Variants in PHF19 observed in about 807,000 individuals in gnomAD.
The protein encoded by PHF19 is PHD finger protein 19.
Under a neutral mutation model 79.8 loss-of-function variants are expected in PHF19, and 21 were observed. That is an observed-to-expected ratio of 0.26 (90% CI 0.19 to 0.38). The LOEUF (loss-of-function observed/expected upper bound fraction) is 0.38. Ranked by LOEUF, PHF19 falls within the 10% of genes least tolerant of loss-of-function variation. PHF19 has a pLI of 1.00. For synonymous variants in PHF19, 273 were observed against 296.3 expected, an observed-to-expected ratio of 0.92 and a Z score of 0.81; for missense variants, 445 against 744.2, an observed-to-expected ratio of 0.60 and a Z score of 4.68.
rs376002027 is a variant in PHF19 at position 120,890,366 on chromosome 9, GA to G, written c.42+4421del. Among the ~76,000 whole-genome samples the G allele has an allele frequency of 1.9e-3, 281 of 148,648 alleles. 1 individual carries two copies. The highest frequency in any genetic ancestry group is 0.017 in the Middle Eastern group (5 of 286). ...CTACTTGTCTCAGGGAGAGTTTATG[GA>G]AAAAAAGCTTCCAGCTGGCTTTGGG... On this transcript the variant is annotated intron_variant, in intron 1 of 14. Transcript: ENST00000616568.
upstream of PHF19, among the ~76,000 whole-genome samples, chr9:120,898,973 T>C (rs192287766): frequency 3.9e-5 from 6 of 151,998 alleles, no homozygotes; most frequent in East Asian, 1.2e-3. Context: ...CCAAGGCAGG[T>C]GGATTACCTG....
At position 120,866,081 on chromosome 9, in the gene PHF19, G is replaced by C; in HGVS notation, c.726C>G (p.Phe242Leu). 6.2e-7 allele frequency: 1 copy of C among 1,613,928 alleles called. No homozygotes were observed. The highest frequency in any genetic ancestry group is 8.5e-7 in the Non-Finnish European group (1 of 1,179,858). Residue 242 changes from phenylalanine (F) to leucine (L), a missense_variant, in exon 8 of 15, where the codon TTC becomes TTG. Physicochemically the swap from Phe to Leu is conservative, Grantham distance 22. Coordinates refer to ENST00000373896, the MANE Select transcript of PHF19 (RefSeq NM_015651.3). This position sits in a 1 kb window ranked among gnomAD's most constrained non-coding sequence, Gnocchi z 5.2. Reference sequence around the variant, plus strand: ...CTGGGCCCTGGTTACACACGGAGCAGAAGAACAGGTAAAACCTGTGGGTGG... The same window carrying C: ...CTGGGCCCTGGTTACACACGGAGCACAAGAACAGGTAAAACCTGTGGGTGG... ...MMFGDRFYLF[F>L]CSVCNQGPEY...
chr9:120,868,299 T>G (rs561611193), intron 6 of PHF19: 1 of 152,368 alleles, frequency 6.6e-6, no homozygotes, highest in African/African-American at 2.4e-5. Flanking sequence ...GAAAAGGTTA[T>G]CTTGACTTTC....
At chr9:120,871,551 G>C (rs1171758964) in intron 3 of PHF19, among the ~76,000 whole-genome samples, 2 of 152,114 alleles carry the variant, frequency 1.3e-5, no homozygotes, top group African/African-American at 4.8e-5. Context: ...TCCATACATG[G>C]TGACTGGCTG....
chr9:120,880,231 A>G (rs2046159161), upstream of PHF19, among the ~76,000 whole-genome samples: 1 of 152,252 alleles, frequency 6.6e-6, no homozygotes, highest in Non-Finnish European at 1.5e-5. Flanking sequence ...ACTGTGGCTC[A>G]TGCCTGTAAT....
chr9:120,880,851 T>G (rs2046170124), upstream of PHF19, among the ~76,000 whole-genome samples: 1 of 151,854 alleles, frequency 6.6e-6, no homozygotes, highest in Admixed American at 6.6e-5. Context: ...TCCCAGCTAC[T>G]TGGGAGACTG....
Position 120,866,283 on chromosome 9 carries a change from C to A in PHF19, c.711-187G>T, listed in dbSNP as rs1254512387. Among the ~76,000 whole-genome samples the A allele has an allele frequency of 6.6e-6, 1 of 152,140 alleles. No homozygotes were observed. Among genetic ancestry groups the A allele is most frequent in the East Asian group, 1.9e-4 (1 of 5,204 alleles). On this transcript the variant is annotated intron_variant, in intron 7 of 14. Transcript: ENST00000373896. This position sits in a 1 kb window ranked among gnomAD's most constrained non-coding sequence, Gnocchi z 5.2. Reference sequence around the variant, plus strand: ...AAGAGATACCCCATATTCCTTCTAACCCATGCCCTCAATCTCCTTCCCAAA... The same window carrying A: ...AAGAGATACCCCATATTCCTTCTAAACCATGCCCTCAATCTCCTTCCCAAA...
At chr9:120,898,920 C>T (rs1263842331), upstream of PHF19, among the ~76,000 whole-genome samples, 1 of 152,172 alleles carries the variant, frequency 6.6e-6, no homozygotes, top group East Asian at 1.9e-4. Context: ...TTATTCCGGC[C>T]AGGCTCGGTG....
chr9:120,861,853 C>T, intron 12 of PHF19, 65 bp downstream of exon 12: 2 of 1,147,852 alleles, frequency 1.7e-6, no homozygotes, highest in Non-Finnish European at 2.6e-6. Context: ...GTTTTCGGCA[C>T]AGGAAGCCCT....
At chr9:120,877,064 G>C in intron 1 of PHF19, 27 bp downstream of exon 1, 1 of 985,510 alleles carries the variant, frequency 1.0e-6, no homozygotes, top group Non-Finnish European at 1.2e-6. Flanking sequence ...GCGTGGCGGG[G>C]AGTCCGCCCA....
intron 1 of PHF19, among the ~76,000 whole-genome samples, chr9:120,886,967 G>A (rs1230809836): frequency 7.3e-5 from 11 of 151,616 alleles, no homozygotes. Flanking sequence ...CCGGGAGGCT[G>A]AGGCAGGAGA....
intron 10 of PHF19, among the ~76,000 whole-genome samples, chr9:120,863,732 C>T (rs1285772905): frequency 6.6e-6 from 1 of 152,138 alleles, no homozygotes; most frequent in Non-Finnish European, 1.5e-5. Context: ...ATGTAGCCCA[C>T]CCGAGATGAT....
rs1417587270 is a variant in PHF19 at position 120,870,037 on chromosome 9, G to C, written c.365-92C>G. The C allele has an allele frequency of 6.7e-7, 1 of 1,500,886 alleles. No individual in the cohort carries two copies. Among genetic ancestry groups the C allele is most frequent in the Non-Finnish European group, 8.9e-7 (1 of 1,123,378 alleles). The allele number at this position is 1,500,886 out of a possible 1,614,324, so 93.0% of individuals were successfully genotyped here. On this transcript the variant is annotated intron_variant, in intron 4 of 14. Transcript: ENST00000373896. This position sits in a 1 kb window ranked among gnomAD's most constrained non-coding sequence, Gnocchi z 4.4. ...GGAGGCAGGGCTGGGAGGGCTGAGG[G>C]AAGTCCTAGGAGCTCTGCCTGCCAG...
the PHF19 span, among the ~76,000 whole-genome samples, chr9:120,901,402 T>G: frequency 6.6e-6 from 1 of 151,822 alleles, no homozygotes; most frequent in South Asian, 2.1e-4. Flanking sequence ...ACTATGTTGG[T>G]CAGGCTGGTC....
chr9:120,879,074 T>A (rs1302171868), upstream of PHF19, among the ~76,000 whole-genome samples: 2 of 151,762 alleles, frequency 1.3e-5, no homozygotes, highest in African/African-American at 2.4e-5. Flanking sequence ...CTTTTTTTTT[T>A]AAACAATTCT....
At chr9:120,898,897 GT>G (rs1184408393), upstream of PHF19, among the ~76,000 whole-genome samples, 45 of 152,256 alleles carry the variant, frequency 3.0e-4, no homozygotes, top group Admixed American at 2.7e-3. Flanking sequence ...CTCCATGATT[GT>G]TTAAGATTAT....
intron 6 of PHF19, chr9:120,868,828 G>A: frequency 9.5e-7 from 1 of 1,047,178 alleles, no homozygotes; most frequent in Admixed American, 5.7e-5. Flanking sequence ...CCCTGCTTGG[G>A]CGGTCGCAAC....
In PHF19 at chr9:120,891,425, C is replaced by A. The variant is rs1197502172; in HGVS notation, c.42+3363G>T. 2.0e-5 allele frequency among the ~76,000 whole-genome samples: 3 copies of A among 152,194 alleles called. No individual in the cohort carries two copies. The highest frequency in any genetic ancestry group is 7.2e-5 in the African/African-American group (3 of 41,456). ...TTTGGGATCACCCCGGGAACCTTAA[C>A]ATGCTGATGCCTGTGTTCTTATCTT... On this transcript the variant is annotated intron_variant, in intron 1 of 14. Transcript: ENST00000616568. This position sits in a 1 kb window ranked among gnomAD's most constrained non-coding sequence, Gnocchi z 4.3.
chr9:120,888,111 T>G (rs2046292858), intron 1 of PHF19, among the ~76,000 whole-genome samples: 1 of 152,242 alleles, frequency 6.6e-6, no homozygotes, highest in Non-Finnish European at 1.5e-5. Flanking sequence ...TAGCTGGGAC[T>G]ACAGGCATGC....
Sources: allele counts gnomAD v4.1 joint callset (sites outside exome capture counted in the v4.1 genomes callset), GRCh38; gene constraint gnomAD v4.1.1; non-coding constraint Gnocchi (gnomAD v3.1); transcripts MANE v1.5; gene names NCBI Gene and HGNC (gene_info 2026-07-23, HGNC 2026-07-21).